Variants in PLAA observed in about 807,000 individuals in gnomAD.
The protein encoded by PLAA is phospholipase A2 activating protein.
A neutral mutation model predicts 84.1 loss-of-function variants in PLAA; 48 were observed. The ratio of observed to expected loss-of-function variants is 0.57; its 90% CI spans 0.45 to 0.73. The LOEUF is 0.73. Ranked by LOEUF, PLAA falls within the 30% of genes least tolerant of loss-of-function variation. PLAA has a pLI of 0.00. For synonymous variants in PLAA, 392 were observed against 336.6 expected (o/e 1.16, Z -1.80); for missense variants, 903 against 954.7 (o/e 0.95, Z 0.71).
At chr9:26,911,053 T>C (rs1824384404) in intron 11 of PLAA, among the ~76,000 whole-genome samples, 1 of 150,970 alleles carries the variant, frequency 6.6e-6, no homozygotes, top group African/African-American at 2.4e-5. Context: ...TAGTCTTTCT[T>C]TTTTTTTTAA....
chr9:26,936,442 T>G (rs754884587), intron 1 of PLAA, among the ~76,000 whole-genome samples: 5 of 152,226 alleles, frequency 3.3e-5, no homozygotes, highest in Non-Finnish European at 5.9e-5. Flanking sequence ...TTTTCCCACC[T>G]AGACAACGAT....
rs371172037 is a variant in PLAA, at chr9:26,905,474, C to A, written c.*37G>T. 1 of 1,404,764 alleles carries A rather than the reference C, an allele frequency of 7.1e-7. No individual in the cohort carries two copies. Among genetic ancestry groups the A allele is most frequent in the Non-Finnish European group, 9.8e-7 (1 of 1,019,454 alleles). The allele number at this position is 1,404,764 out of a possible 1,614,324, so 87.0% of individuals were successfully genotyped here. A position where few individuals can be genotyped will look rare whatever the true frequency, so the allele number is the denominator to read the frequency against. ...CATGTCAAATGTGAGGAAAAAAACA[C>A]TAATCAATTAAAAATATCCGTCCCT... On this transcript the variant is annotated 3_prime_UTR_variant, in exon 14 of 14. Coordinates refer to ENST00000397292, the MANE Select transcript of PLAA (RefSeq NM_001031689.3).
In PLAA at chr9:26,935,099, G is replaced by A; in HGVS notation, c.257C>T (p.Ala86Val). The change falls in exon 2 of 14, where the codon GCC (alanine) becomes GTC (valine). Residue 86 changes from alanine (A) to valine (V), a missense_variant. By Grantham distance (64) the Ala-to-Val change is moderately conservative. Transcript: ENST00000397292. ...SSDIYPHGLIATGGNDHNICI... is the reference protein window; with the variant it reads ...SSDIYPHGLIVTGGNDHNICI... ...TATATTGTGGTCATTTCCACCGGTG[G>A]CAATTAGGCCATGAGGGTAGATGTC... 6.2e-7 allele frequency: 1 copy of A among 1,610,584 alleles called. No individual in the cohort carries two copies. The highest frequency in any genetic ancestry group is 8.5e-7 in the Non-Finnish European group (1 of 1,178,834).
intron 12 of PLAA, 24 bp from the exon 13 acceptor site, chr9:26,908,022 A>C: frequency 6.4e-7 from 1 of 1,551,794 alleles, no homozygotes; most frequent in Non-Finnish European, 8.7e-7. Flanking sequence ...CCAAACTTTC[A>C]AAATTCTCTA....
At chr9:26,926,640 A>C in intron 4 of PLAA, 80 bp from the exon 5 acceptor site, 1 of 989,656 alleles carries the variant, frequency 1.0e-6, no homozygotes, top group Non-Finnish European at 1.5e-6. Context: ...AACATTATAA[A>C]ACATATCAGT....
Position 26,905,643 on chromosome 9 carries a change from A to G in PLAA, c.2256T>C (p.Leu752=). 6.2e-7 allele frequency: 1 copy of G among 1,614,182 alleles called. No homozygotes were observed. Among genetic ancestry groups the G allele is most frequent in the Non-Finnish European group, 8.5e-7 (1 of 1,179,992 alleles). The part of the protein sequence containing the change: ...TFRLLVALGT[L]ISDDSNAVQL... ...GTACAGCATTTGAATCATCACTGAT[A>G]AGTGTTCCAAGAGCCACAAGAAGTC... Residue 752 remains leucine, a synonymous_variant, in exon 14 of 14, where the codon CTT becomes CTC. Coordinates refer to ENST00000397292, the MANE Select transcript of PLAA (RefSeq NM_001031689.3).
rs1294922218 is a variant in PLAA, at chr9:26,913,902, A to T, written c.1532T>A (p.Met511Lys). Residue 511 changes from methionine (M) to lysine (K), a missense_variant, in exon 11 of 14, where the codon ATG becomes AAG. Physicochemically the swap from Met to Lys is moderately conservative, Grantham distance 95. Transcript: ENST00000397292. The part of the protein sequence containing the change: ...VPGSASMGTT[M>K]AGVDPFTGNS... ...ACCTGTAAATGGATCAACTCCGGCC[A>T]TGGTAGTTCCCATACTTGCAGAACC... is the stretch of plus-strand genomic sequence containing the variant. 1 of 1,612,344 alleles carries T rather than the reference A, an allele frequency of 6.2e-7. No individual in the cohort carries two copies. Among genetic ancestry groups the T allele is most frequent in the South Asian group, 1.1e-5 (1 of 90,990 alleles).
chr9:26,933,176 G>A lies in PLAA; in HGVS notation c.343+1837C>T, dbSNP rs1489889844. 5.3e-5 allele frequency among the ~76,000 whole-genome samples: 8 copies of A among 152,034 alleles called. No homozygotes were observed. In the East Asian group the frequency reaches 1.5e-3, roughly 29 times the overall value. ...CCAGATACTCAGAAGGCTGAGGCAG[G>A]AGAACTGCTTGAACCCGGGAGGCAG... On this transcript the variant is annotated intron_variant, in intron 2 of 13. Transcript: ENST00000397292.
intron 1 of PLAA, among the ~76,000 whole-genome samples, chr9:26,938,267 G>T (rs1257053271): frequency 3.9e-5 from 6 of 152,178 alleles, no homozygotes; most frequent in African/African-American, 1.4e-4. Context: ...CAGCACCTCA[G>T]GAGACTGAGA....
At position 26,905,554 on chromosome 9, in the gene PLAA, G is replaced by T; in HGVS notation, c.2345C>A (p.Ala782Asp). 1.2e-6 allele frequency: 2 copies of T among 1,613,662 alleles called. No individual in the cohort carries two copies. Among genetic ancestry groups the T allele is most frequent in the South Asian group, 2.2e-5 (2 of 91,012 alleles). Residue 782 changes from alanine (A) to aspartate (D), a missense_variant, in exon 14 of 14, where the codon GCT becomes GAT. Transcript: ENST00000397292. ...IKKYSSVSEP[A>D]KVSECCRFIL... is the part of the protein sequence containing the mutation. ...AAATCTACAGCATTCACTTACTTTA[G>T]CTGGTTCTGATACTGAGGAATACTT...
At chr9:26,943,021 A>G (rs1333202855) in intron 1 of PLAA, among the ~76,000 whole-genome samples, 2 of 152,304 alleles carry the variant, frequency 1.3e-5, no homozygotes, top group Middle Eastern at 3.4e-3. Flanking sequence ...AGATTAATAT[A>G]ATCAGATCCT....
At chr9:26,937,983 GAAGA>G (rs1452234906) in intron 1 of PLAA, among the ~76,000 whole-genome samples, 2 of 152,064 alleles carry the variant, frequency 1.3e-5, no homozygotes, top group Non-Finnish European at 2.9e-5. Context: ...GAGAATATCT[GAAGA>G]AATAATGGCT....
At chr9:26,942,877 C>CAAAAA (rs34134451) in intron 1 of PLAA, among the ~76,000 whole-genome samples, 5,215 of 51,076 alleles carry the variant, frequency 0.1, 332 homozygotes, top group African/African-American at 0.13. Context: ...AGACTCGTCT[C>CAAAAA]AAAAAAAAAA....
In PLAA at chr9:26,946,974, C is replaced by G. The variant is rs371800641; in HGVS notation, c.72G>C (p.Leu24=). 44 of 1,592,304 alleles carry G rather than the reference C, an allele frequency of 2.8e-5. No homozygotes were observed. The highest frequency in any genetic ancestry group is 3.8e-5 in the Non-Finnish European group (44 of 1,169,890). ...CTCCCGGCGGATAGGCGCAGCACAC[C>G]AGGCCCCGTACGTCCAGCTCGTGGC... The part of the protein sequence containing the change: ...LRGHELDVRG[L]VCCAYPPGAF... The change falls in exon 1 of 14, where the codon CTG becomes CTC. Residue 24 remains leucine (L), a synonymous_variant. Coordinates refer to ENST00000397292, the MANE Select transcript of PLAA (RefSeq NM_001031689.3).
chr9:26,940,996 T>A (rs1173286450), intron 1 of PLAA, among the ~76,000 whole-genome samples: 1 of 152,164 alleles, frequency 6.6e-6, no homozygotes, highest in Non-Finnish European at 1.5e-5. Flanking sequence ...CTTCAAAGCA[T>A]AGATGTTTGT....
In PLAA at chr9:26,905,525, G is replaced by T. The variant is rs960134042; in HGVS notation, c.2374C>A (p.Leu792Ile). The T allele has an allele frequency of 6.8e-6, 11 of 1,606,400 alleles. No homozygotes were observed. Among genetic ancestry groups the T allele is most frequent in the Admixed American group, 1.7e-5 (1 of 59,014 alleles). The change falls in exon 14 of 14, where the codon CTA (leucine) becomes ATA (isoleucine). Residue 792 changes from leucine (L) to isoleucine (I), a missense_variant. By Grantham distance (5) the Leu-to-Ile change is conservative. Transcript: ENST00000397292. ...AKVSECCRFI[L>I]NLL The stretch of plus-strand genomic sequence containing the variant: ...CTTCCCCACTGCTACAGCAAATTTA[G>T]GATAAATCTACAGCATTCACTTACT...
Position 26,947,039 on chromosome 9 carries a change from T to C in PLAA, c.7A>G (p.Ser3Gly). ...CTCAGCCGGTACCTGGTTGCGCCGC[T>C]CGTCATGGCCAGTGTCTGTCTGGCG... MT[S>G]GATRYRLSCS... Residue 3 changes from serine to glycine, a missense_variant, in exon 1 of 14, where the codon AGC (serine) becomes GGC (glycine). Ser to Gly is a moderately conservative substitution (Grantham distance 56). Transcript: ENST00000397292. 1 of 1,582,974 alleles carries C rather than the reference T, an allele frequency of 6.3e-7. No homozygotes were observed. The highest frequency in any genetic ancestry group is 1.3e-5 in the African/African-American group (1 of 74,454).
chr9:26,907,623 A>AT (rs139683140), intron 13 of PLAA: 25,026 of 511,366 alleles, frequency 0.049, 905 homozygotes, highest in African/African-American at 0.13. Flanking sequence ...TATGGGGATC[A>AT]TATATTACCT....
At chr9:26,937,833 T>C (rs141910112) in intron 1 of PLAA, among the ~76,000 whole-genome samples, 1,479 of 146,752 alleles carry the variant, frequency 0.01, 20 homozygotes, top group African/African-American at 0.035. Flanking sequence ...CATAGGACAG[T>C]AGAAATTATC....
Sources: allele counts gnomAD v4.1 joint callset (sites outside exome capture counted in the v4.1 genomes callset), GRCh38; gene constraint gnomAD v4.1.1; transcripts MANE v1.5; gene names NCBI Gene and HGNC (gene_info 2026-07-23, HGNC 2026-07-21).